Variants in OXGR1 observed in about 807,000 individuals in gnomAD.
OXGR1 encodes oxoglutarate receptor 1.
In OXGR1, 10 loss-of-function variants were observed where a neutral mutation model predicts 10.0. The ratio of observed to expected loss-of-function variants is 1.00; its 90% CI spans 0.62 to 1.70. OXGR1 has a LOEUF of 1.70. OXGR1 is among the 40% of genes most tolerant of loss of function. The pLI is 0.00. For synonymous variants in OXGR1, 191 were observed against 155.9 expected (o/e 1.22, Z -1.68); for missense variants, 398 against 407.6 (o/e 0.98, Z 0.20).
Position 96,987,001 on chromosome 13 carries a change from AC to A in OXGR1, c.758del (p.Cys253PhefsTer8), listed in dbSNP as rs1345365846. The A allele has an allele frequency of 1.9e-6, 3 of 1,614,106 alleles. No individual in the cohort carries two copies. Among genetic ancestry groups the A allele is most frequent in the Admixed American group, 1.7e-5 (1 of 60,008 alleles). On this transcript the variant is annotated frameshift_variant, in exon 4 of 4. Coordinates refer to ENST00000541038, the MANE Select transcript of OXGR1 (RefSeq NM_001346194.2). LOFTEE classifies it high-confidence loss of function. The stretch of plus-strand genomic sequence containing the variant: ...CCCTCAAGATATGGAAGGGTAAAAA[AC>A]ATACGTAAAATGCAAGGAGTAGCAG... The part of the protein sequence containing the change: ...TILLLLAFYV[C>X]FLPFHILRVI...
intron 3 of OXGR1, among the ~76,000 whole-genome samples, chr13:96,988,996 T>G (rs547341115): frequency 2.6e-5 from 4 of 152,292 alleles, no homozygotes; most frequent in South Asian, 4.1e-4. Context: ...CACAGTCTAC[T>G]GGGGAAGTGG....
rs775780104 is a variant in OXGR1 at position 96,986,958 on chromosome 13, G to A, written c.802C>T (p.Arg268Cys). 1.4e-5 allele frequency: 22 copies of A among 1,614,016 alleles called. No individual in the cohort carries two copies. The highest frequency in any genetic ancestry group is 6.7e-5 in the East Asian group (3 of 44,890). ...ATGGAACAACTGATTGAAAGCAGGC[G>A]AGATTCGATCCGAATGACCCTCAAG... ...HILRVIRIES[R>C]LLSISCSIEN... The change falls in exon 4 of 4, where the codon CGC (arginine) becomes TGC (cysteine). Residue 268 changes from arginine to cysteine, a missense_variant. By Grantham distance (180) the Arg-to-Cys change is radical. Coordinates refer to ENST00000541038, the MANE Select transcript of OXGR1 (RefSeq NM_001346194.2).
intron 3 of OXGR1, among the ~76,000 whole-genome samples, 168 bp downstream of exon 3, chr13:96,989,590 C>A (rs900682992): frequency 3.2e-4 from 49 of 152,182 alleles, no homozygotes; most frequent in Non-Finnish European, 7.4e-5. Flanking sequence ...GAAGAGGAAA[C>A]TGAGGCACGG....
chr13:96,992,098 G>C lies in OXGR1; in HGVS notation c.-127+324C>G, dbSNP rs141818598. Among the ~76,000 whole-genome samples, 325 of 151,762 alleles carry C rather than the reference G, an allele frequency of 2.1e-3. 1 individual carries two copies. Among genetic ancestry groups the C allele is most frequent in the Non-Finnish European group, 3.9e-3 (264 of 67,964 alleles). ...CCAGAAGCTGGGAAGAGTAGTGGGG[G>C]ACTGGTGGAGGGGATGGCTAATGTG... is the stretch of plus-strand genomic sequence containing the variant. On this transcript the variant is annotated intron_variant, in intron 2 of 3. Transcript: ENST00000541038.
Position 96,985,972 on chromosome 13 carries a change from A to C in OXGR1, c.*774T>G, listed in dbSNP as rs956218910. Reference sequence around the variant, plus strand: ...TTAGATATGATTGAACACCCAATACATACATGACATCTGAAAGTGACTTCT... The same window carrying C: ...TTAGATATGATTGAACACCCAATACCTACATGACATCTGAAAGTGACTTCT... On this transcript the variant is annotated 3_prime_UTR_variant, in exon 4 of 4. Transcript: ENST00000541038. The C allele has an allele frequency of 6.6e-6, 1 of 152,234 alleles. No individual in the cohort carries two copies. Among genetic ancestry groups the C allele is most frequent in the South Asian group, 2.1e-4 (1 of 4,836 alleles). The allele number at this position is 152,234 out of a possible 1,614,324, so 9.4% of individuals were successfully genotyped here. A position where few individuals can be genotyped will look rare whatever the true frequency, so the allele number is the denominator to read the frequency against.
chr13:96,987,612 C>T lies in OXGR1; in HGVS notation c.148G>A (p.Gly50Ser), dbSNP rs1881840276. 3 of 1,614,082 alleles carry T rather than the reference C, an allele frequency of 1.9e-6. No homozygotes were observed. Among genetic ancestry groups the T allele is most frequent in the Non-Finnish European group, 1.7e-6 (2 of 1,180,008 alleles). ...TAAGTGGATATCACTACTGCATTGC[C>T]TGGAAATCCCACGAGGAAGATAATG... ...YGIIFLVGFP[G>S]NAVVISTYIF... Residue 50 changes from glycine (G) to serine (S), a missense_variant, in exon 4 of 4, where the codon GGC (glycine) becomes AGC (serine). Coordinates refer to ENST00000541038, the MANE Select transcript of OXGR1 (RefSeq NM_001346194.2).
At position 96,987,686 on chromosome 13, in the gene OXGR1, G is replaced by C. The variant is rs1433753642; in HGVS notation, c.74C>G (p.Thr25Ser). ...PDYAAAFGNC[T>S]DENIPLKMHY... ...CATCTTGAGTGGGATGTTTTCATCA[G>C]TGCAATTTCCAAAAGCAGCTGCATA... Residue 25 changes from threonine (T) to serine (S), a missense_variant, in exon 4 of 4, where the codon ACT (threonine) becomes AGT (serine). Transcript: ENST00000541038. The C allele has an allele frequency of 6.2e-7, 1 of 1,613,556 alleles. No individual in the cohort carries two copies. The highest frequency in any genetic ancestry group is 1.7e-5 in the Admixed American group (1 of 59,922).
In OXGR1 at chr13:96,987,149, G is replaced by A; in HGVS notation, c.611C>T (p.Ala204Val). 7.4e-6 allele frequency: 12 copies of A among 1,614,150 alleles called. No individual in the cohort carries two copies. Among genetic ancestry groups the A allele is most frequent in the Non-Finnish European group, 1.0e-5 (12 of 1,180,006 alleles). Residue 204 changes from alanine (A) to valine (V), a missense_variant, in exon 4 of 4, where the codon GCA becomes GTA. Coordinates refer to ENST00000541038, the MANE Select transcript of OXGR1 (RefSeq NM_001346194.2). Reference sequence around the variant, plus strand: ...CACCAAGGGGAGGCAGAAAGTAGTTGCAGTCAAAATCAGGTTGTACCACTT... The same window carrying A: ...CACCAAGGGGAGGCAGAAAGTAGTTACAGTCAAAATCAGGTTGTACCACTT... ...TIKWYNLILT[A>V]TTFCLPLVIV... is the part of the protein sequence containing the mutation.
intron 2 of OXGR1, among the ~76,000 whole-genome samples, chr13:96,991,605 G>A (rs1456063691): frequency 1.3e-5 from 2 of 152,156 alleles, no homozygotes; most frequent in East Asian, 1.9e-4. Context: ...CAGCATCAAA[G>A]GTTGGAATAA....
intron 2 of OXGR1, among the ~76,000 whole-genome samples, chr13:96,991,481 A>T (rs1882056772): frequency 6.6e-6 from 1 of 152,374 alleles, no homozygotes; most frequent in East Asian, 1.9e-4. Context: ...TGAGGAGGTT[A>T]CAAATCACTT....
rs751740398 is a variant in OXGR1, at chr13:96,991,276, G to T, written c.-127+1146C>A. Among the ~76,000 whole-genome samples, 10 of 152,268 alleles carry T rather than the reference G, an allele frequency of 6.6e-5. 1 individual carries two copies. Among genetic ancestry groups the T allele is most frequent in the African/African-American group, 2.4e-4 (10 of 41,560 alleles). On this transcript the variant is annotated intron_variant, in intron 2 of 3. Coordinates refer to ENST00000541038, the MANE Select transcript of OXGR1 (RefSeq NM_001346194.2). ...TGTTAACAACAGCACACAAAAAACC[G>T]GTCTGGGCTGTGAGCAGGTAGGATG...
At chr13:96,988,011 G>A (rs1881869799) in intron 3 of OXGR1, among the ~76,000 whole-genome samples, 178 bp from the exon 4 acceptor site, 1 of 152,138 alleles carries the variant, frequency 6.6e-6, no homozygotes, top group Admixed American at 6.5e-5. Context: ...GTTACTAAAT[G>A]CATCTAATAA....
intron 3 of OXGR1, among the ~76,000 whole-genome samples, chr13:96,989,532 TCCTCACAACAA>T (rs1352669729): frequency 2.0e-5 from 3 of 152,170 alleles, no homozygotes; most frequent in African/African-American, 7.2e-5. Flanking sequence ...ATCTATTTAA[TCCTCACAACAA>T]ATGGTGAGGT....
intron 2 of OXGR1, among the ~76,000 whole-genome samples, chr13:96,991,907 G>T (rs1032890209): frequency 1.3e-5 from 2 of 152,162 alleles, no homozygotes; most frequent in Non-Finnish European, 2.9e-5. Flanking sequence ...CCATAAAAAA[G>T]AATGAGATCC....
At position 96,987,707 on chromosome 13, in the gene OXGR1, G is replaced by C. The variant is rs998176766; in HGVS notation, c.53C>G (p.Ala18Gly). Residue 18 changes from alanine (A) to glycine (G), a missense_variant, in exon 4 of 4, where the codon GCA (alanine) becomes GGA (glycine). Coordinates refer to ENST00000541038, the MANE Select transcript of OXGR1 (RefSeq NM_001346194.2). ...LANASDFPDY[A>G]AAFGNCTDEN... ...ATCAGTGCAATTTCCAAAAGCAGCT[G>C]CATAATCGGGGAAATCAGAAGCATT... is the stretch of plus-strand genomic sequence containing the variant. 1 of 1,611,418 alleles carries C rather than the reference G, an allele frequency of 6.2e-7. No individual in the cohort carries two copies. Among genetic ancestry groups the C allele is most frequent in the Non-Finnish European group, 8.5e-7 (1 of 1,178,432 alleles).
At chr13:96,992,381 C>T (rs1159703374) in intron 2 of OXGR1, 41 bp downstream of exon 2, 2 of 152,076 alleles carry the variant, frequency 1.3e-5, no homozygotes, top group African/African-American at 4.8e-5. Flanking sequence ...TATGTATCCA[C>T]AAAAATTAAG....
chr13:96,987,315 A>C lies in OXGR1; in HGVS notation c.445T>G (p.Cys149Gly), dbSNP rs1881807914. ...MSCFSIHKTR[C>G]AVVACAVVWI... The stretch of plus-strand genomic sequence containing the variant: ...ACCACAGCACAGGCTACAACTGCAC[A>C]TCGAGTTTTGTGAATGGAAAAGCAG... Residue 149 changes from cysteine (C) to glycine (G), a missense_variant, in exon 4 of 4, where the codon TGT becomes GGT. Coordinates refer to ENST00000541038, the MANE Select transcript of OXGR1 (RefSeq NM_001346194.2). 3 of 1,614,260 alleles carry C rather than the reference A, an allele frequency of 1.9e-6. No individual in the cohort carries two copies.
chr13:96,989,595 G>A (rs542011435), intron 3 of OXGR1, among the ~76,000 whole-genome samples, 163 bp downstream of exon 3: 1 of 152,276 alleles, frequency 6.6e-6, no homozygotes, highest in South Asian at 2.1e-4. Context: ...GGAAACTGAG[G>A]CACGGAGGAG....
intron 2 of OXGR1, among the ~76,000 whole-genome samples, chr13:96,991,251 T>C (rs971586295): frequency 6.6e-6 from 1 of 152,198 alleles, no homozygotes; most frequent in Non-Finnish European, 1.5e-5. Flanking sequence ...ATACGTGTGA[T>C]GTTAACAACA....
Sources: allele counts gnomAD v4.1 joint callset (sites outside exome capture counted in the v4.1 genomes callset), GRCh38; gene constraint gnomAD v4.1.1; transcripts MANE v1.5; gene names NCBI Gene and HGNC (gene_info 2026-07-23, HGNC 2026-07-21).